Variants in ABCA13 observed in about 807,000 individuals in gnomAD.
ABCA13 encodes the protein ATP binding cassette subfamily A member 13.
ABCA13 carries 476 observed loss-of-function variants against 478.7 expected under a neutral mutation model. That is an observed-to-expected ratio of 0.99 (90% CI 0.92 to 1.07). The LOEUF is 1.07. Ranked by LOEUF, ABCA13 falls within the 50% of genes least tolerant of loss-of-function variation. The probability of loss-of-function intolerance (pLI) is 0.00; values close to 1 mark genes in which losing one functional copy is unlikely to be tolerated. For synonymous variants in ABCA13, 2,252 were observed against 2,158.9 expected (o/e 1.04, Z -1.20); for missense variants, 6,060 against 5,910.6 (o/e 1.03, Z -0.83).
At chr7:48,286,436 C>T (rs779035201) in intron 19 of ABCA13, among the ~76,000 whole-genome samples, 14 of 152,122 alleles carry the variant, frequency 9.2e-5, no homozygotes, top group Non-Finnish European at 2.1e-4. Flanking sequence ...CAATATGTAG[C>T]CTTTTCAGAT....
chr7:48,583,126 C>T (rs1187659817), intron 56 of ABCA13, among the ~76,000 whole-genome samples: 2 of 152,118 alleles, frequency 1.3e-5, no homozygotes, highest in African/African-American at 4.8e-5. Context: ...GGTATGGCCC[C>T]TCATCATCTT....
chr7:48,555,159 A>G (rs758376909), intron 55 of ABCA13, among the ~76,000 whole-genome samples: 1 of 151,974 alleles, frequency 6.6e-6, no homozygotes, highest in Non-Finnish European at 1.5e-5. Context: ...ATGTTGAAAC[A>G]TCCTTACATC....
chr7:48,296,359 T>C (rs1298193250), intron 21 of ABCA13, among the ~76,000 whole-genome samples: 2 of 152,200 alleles, frequency 1.3e-5, no homozygotes, highest in East Asian at 1.9e-4. Context: ...GTGATTGTGC[T>C]ACTGCACTCC....
At chr7:48,458,699 C>A (rs1825934031) in intron 43 of ABCA13, among the ~76,000 whole-genome samples, 1 of 152,156 alleles carries the variant, frequency 6.6e-6, no homozygotes, top group Non-Finnish European at 1.5e-5. Context: ...TAGAGAGGTT[C>A]TTTTCTACCT....
At chr7:48,233,914 G>T in intron 7 of ABCA13, 104 bp from the exon 8 acceptor site, 2 of 1,326,638 alleles carry the variant, frequency 1.5e-6, no homozygotes, top group African/African-American at 1.5e-5. Flanking sequence ...GTCTTCATTT[G>T]CTCTTCCTTT....
At chr7:48,200,458 T>C (rs1403473959) in intron 3 of ABCA13, among the ~76,000 whole-genome samples, 1 of 152,216 alleles carries the variant, frequency 6.6e-6, no homozygotes, top group Non-Finnish European at 1.5e-5. Flanking sequence ...CTCACTTCAA[T>C]GTGCAGAAAT....
intron 1 of ABCA13, among the ~76,000 whole-genome samples, chr7:48,183,176 GCT>G (rs377685867): frequency 2.4e-4 from 37 of 152,114 alleles, no homozygotes; most frequent in African/African-American, 7.5e-4. Flanking sequence ...CCTTTGAAAG[GCT>G]CTCTTTCTTT....
At chr7:48,293,975 A>C (rs1798958464) in intron 20 of ABCA13, among the ~76,000 whole-genome samples, 1 of 152,144 alleles carries the variant, frequency 6.6e-6, no homozygotes, top group Admixed American at 6.5e-5. Flanking sequence ...AGCACGGCAA[A>C]TCCCGGTTTT....
rs550476243 is a variant in ABCA13 at position 48,184,688 on chromosome 7, C to T, written c.70-8271C>T. ...TACAAAAATTAGCCAGGCATGGTGG[C>T]GCATGCCTGTAATCCTAGATACCTG... On this transcript the variant is annotated intron_variant, in intron 1 of 61. Coordinates refer to ENST00000435803, the MANE Select transcript of ABCA13 (RefSeq NM_152701.5). Among the ~76,000 whole-genome samples, 46 of 152,066 alleles carry T rather than the reference C, an allele frequency of 3.0e-4. 1 individual carries two copies. Among genetic ancestry groups the T allele is most frequent in the South Asian group, 6.2e-4 (3 of 4,806 alleles).
Position 48,307,762 on chromosome 7 carries a change from GC to G in ABCA13, c.9322-2184del, listed in dbSNP as rs1295611075. 2.0e-5 allele frequency among the ~76,000 whole-genome samples: 3 copies of G among 151,976 alleles called. No homozygotes were observed. In the East Asian group the frequency reaches 5.8e-4, roughly 29 times the overall value. ...GTGGCACAATCTCGGCTCACTGTGA[GC>G]TCCACCTCCTTGGTTCAAGCAATTC... is the stretch of plus-strand genomic sequence containing the variant. On this transcript the variant is annotated intron_variant, in intron 23 of 61. Transcript: ENST00000435803.
intron 45 of ABCA13, among the ~76,000 whole-genome samples, chr7:48,474,461 T>C (rs1827860193): frequency 6.6e-6 from 1 of 152,228 alleles, no homozygotes; most frequent in Non-Finnish European, 1.5e-5. Flanking sequence ...AGGCATTATC[T>C]TGTGAAAAAG....
At chr7:48,341,455 T>C (rs1019342343) in intron 29 of ABCA13, among the ~76,000 whole-genome samples, 2 of 152,128 alleles carry the variant, frequency 1.3e-5, no homozygotes, top group African/African-American at 4.8e-5. Flanking sequence ...TTCATATTAA[T>C]CAGTGTAGTC....
At chr7:48,382,984 A>G (rs920862891) in intron 35 of ABCA13, among the ~76,000 whole-genome samples, 1 of 151,950 alleles carries the variant, frequency 6.6e-6, no homozygotes, top group African/African-American at 2.4e-5. Flanking sequence ...CTCCTTTGTC[A>G]CTGTGCTGAG....
At chr7:48,388,459 T>C (rs1585114644) in intron 36 of ABCA13, among the ~76,000 whole-genome samples, 1 of 152,214 alleles carries the variant, frequency 6.6e-6, no homozygotes, top group African/African-American at 2.4e-5. Flanking sequence ...CCTGTGCCTC[T>C]GCACTCCAGA....
In ABCA13 at chr7:48,481,115, A is replaced by G. The variant is rs779125203; in HGVS notation, c.13055A>G (p.Asn4352Ser). 1.9e-5 allele frequency: 31 copies of G among 1,598,104 alleles called. No individual in the cohort carries two copies. In the East Asian group the frequency reaches 3.6e-4, roughly 19 times the overall value. The change falls in exon 46 of 62, where the codon AAT becomes AGT. Residue 4352 changes from asparagine (N) to serine (S), a missense_variant. By Grantham distance (46) the Asn-to-Ser change is conservative. This residue lies in a region of ABCA13 where 1,627 missense variants were observed against 1,571.0 expected (regional missense o/e 1.04). Coordinates refer to ENST00000435803, the MANE Select transcript of ABCA13 (RefSeq NM_152701.5). ...GHTLLNLSGF[N>S]MEEYLLAPSE... ...ACACTGTTGAATCTCTCAGGCTTCA[A>G]TATGGAGGAGTACTTGCTGGCACCA... is the stretch of plus-strand genomic sequence containing the variant.
intron 31 of ABCA13, among the ~76,000 whole-genome samples, chr7:48,358,141 CAAAGA>C (rs747139910): frequency 6.9e-6 from 1 of 145,436 alleles, no homozygotes; most frequent in Non-Finnish European, 1.5e-5. Context: ...AACTCCGTCT[CAAAGA>C]AAAGAAAAGA....
At chr7:48,415,831 T>C (rs1378772806) in intron 41 of ABCA13, among the ~76,000 whole-genome samples, 1 of 152,212 alleles carries the variant, frequency 6.6e-6, no homozygotes, top group African/African-American at 2.4e-5. Flanking sequence ...GACCAATCAA[T>C]AATATCTCCA....
chr7:48,440,914 C>A (rs12668428), intron 42 of ABCA13, among the ~76,000 whole-genome samples: 45,195 of 151,728 alleles, frequency 0.3, 6,791 homozygotes, highest in East Asian at 0.38. Context: ...AGAAAGAAAA[C>A]TTATGTTTTT....
chr7:48,329,575 A>G (rs1164882632), intron 27 of ABCA13, among the ~76,000 whole-genome samples: 1 of 151,948 alleles, frequency 6.6e-6, no homozygotes, highest in Non-Finnish European at 1.5e-5. Flanking sequence ...CCATCCATCC[A>G]TCCATTTATC....
Sources: allele counts gnomAD v4.1 joint callset (sites outside exome capture counted in the v4.1 genomes callset), GRCh38; gene constraint gnomAD v4.1.1; regional missense constraint gnomAD v4.1.1; transcripts MANE v1.5; gene names NCBI Gene and HGNC (gene_info 2026-07-23, HGNC 2026-07-21).